Variants in ACOT11 observed in about 807,000 individuals in gnomAD.
ACOT11 encodes acyl-CoA thioesterase 11.
In ACOT11, 69 loss-of-function variants were observed where a neutral mutation model predicts 77.5. The ratio of observed to expected loss-of-function variants is 0.89; its 90% confidence interval spans 0.73 to 1.09. The LOEUF (loss-of-function observed/expected upper bound fraction) is 1.09. ACOT11 is among the 50% of genes least tolerant of loss of function. The pLI, the probability that ACOT11 is intolerant of heterozygous loss-of-function variation, is 0.00. For synonymous variants in ACOT11, 279 were observed against 313.0 expected (o/e 0.89, Z 1.15); for missense variants, 766 against 813.7 (o/e 0.94, Z 0.71).
At chr1:54,561,548 C>T (rs1242406890) in intron 1 of ACOT11, among the ~76,000 whole-genome samples, 1 of 121,060 alleles carries the variant, frequency 8.3e-6, no homozygotes, top group African/African-American at 3.5e-5. Context: ...ATCTTTTCCC[C>T]ACCTTTCCCG....
At chr1:54,575,252 T>A (rs572041088) in intron 1 of ACOT11, among the ~76,000 whole-genome samples, 174 of 152,252 alleles carry the variant, frequency 1.1e-3, no homozygotes, top group Middle Eastern at 0.01. Flanking sequence ...CCTCACATAT[T>A]TGCTTATGGG....
chr1:54,560,595 C>T (rs908247111), intron 1 of ACOT11, among the ~76,000 whole-genome samples: 2 of 152,198 alleles, frequency 1.3e-5, no homozygotes, highest in South Asian at 4.1e-4. Context: ...GTGGTGCGAT[C>T]ATAGCTCACT....
chr1:54,608,338 G>A (rs539679559), intron 15 of ACOT11, among the ~76,000 whole-genome samples: 124 of 152,200 alleles, frequency 8.1e-4, no homozygotes, highest in African/African-American at 2.7e-3. Flanking sequence ...CATCTCACTC[G>A]TCATTCACTT....
downstream of ACOT11, chr1:54,611,549 A>C: frequency 6.4e-7 from 1 of 1,573,586 alleles, no homozygotes; most frequent in Non-Finnish European, 8.7e-7. Context: ...AGTGCCCACC[A>C]GGTGCTGCTC....
At chr1:54,638,820 TTTTA>T (rs1243648796) in exon 17 of ACOT11, 1 of 152,208 alleles carries the variant, frequency 6.6e-6, no homozygotes, top group Admixed American at 6.6e-5. Flanking sequence ...TCAGCCCATT[TTTTA>T]TTTGTTTCTT....
intron 3 of ACOT11, among the ~76,000 whole-genome samples, chr1:54,588,074 T>C (rs1319359183): frequency 1.3e-5 from 2 of 151,876 alleles, no homozygotes; most frequent in Non-Finnish European, 2.9e-5. Context: ...CATGGTGATA[T>C]ACGCCTGTGG....
At chr1:54,610,817 G>A (rs557569666), downstream of ACOT11, 135 of 985,402 alleles carry the variant, frequency 1.4e-4, no homozygotes, top group African/African-American at 2.2e-3. Context: ...CTTCCCGCTC[G>A]CTTAGGTGGC....
chr1:54,603,903 T>C lies in ACOT11; in HGVS notation c.1118T>C (p.Val373Ala), dbSNP rs1373390219. 1 of 1,613,896 alleles carries C rather than the reference T, an allele frequency of 6.2e-7. No homozygotes were observed. Among genetic ancestry groups the C allele is most frequent in the Non-Finnish European group, 8.5e-7 (1 of 1,180,000 alleles). ...KYIVSCKQTE[V>A]PLSVPWDPSN... ...ATCGTGTCCTGTAAGCAGACAGAGG[T>C]GCCCCTCTCCGTCCCCTGGGACCCT... Residue 373 changes from valine to alanine, a missense_variant, in exon 11 of 16, where the codon GTG becomes GCG. Transcript: ENST00000343744.
At chr1:54,558,520 G>A (rs1419816386) in intron 1 of ACOT11, among the ~76,000 whole-genome samples, 1 of 152,174 alleles carries the variant, frequency 6.6e-6, no homozygotes, top group African/African-American at 2.4e-5. Flanking sequence ...GGGGGTCAGG[G>A]GAGAGCTCTC....
chr1:54,620,883 G>A lies in ACOT11; in HGVS notation c.1630-9851G>A, dbSNP rs1247815707. On this transcript the variant is annotated intron_variant, in intron 15 of 16. Coordinates refer to the ACOT11 transcript ENST00000371316. ...AAAAAAAAAAAAAAAAAAAAGGCTGGGTTTGGTGGCTCACACCTGTAATCC... is the reference window on the plus strand; with the variant it reads ...AAAAAAAAAAAAAAAAAAAAGGCTGAGTTTGGTGGCTCACACCTGTAATCC... Among the ~76,000 whole-genome samples, 6 of 115,754 alleles carry A rather than the reference G, an allele frequency of 5.2e-5. No individual in the cohort carries two copies. The East Asian group carries it at 1.3e-3, about 26-fold the overall frequency. The allele number at this position is 115,754 out of a possible 152,430, so 75.9% of individuals were successfully genotyped here.
intron 1 of ACOT11, among the ~76,000 whole-genome samples, chr1:54,557,173 C>T (rs1653286198): frequency 6.6e-6 from 1 of 151,944 alleles, no homozygotes; most frequent in South Asian, 2.1e-4. Flanking sequence ...GCAGGCAGAT[C>T]ACAAGGTCAG....
intron 15 of ACOT11, among the ~76,000 whole-genome samples, chr1:54,620,815 C>T (rs12049576): frequency 2.1e-4 from 26 of 125,158 alleles, no homozygotes; most frequent in Admixed American, 1.7e-3. Flanking sequence ...CACCACTGTA[C>T]TCAGCCTGGA....
chr1:54,625,696 G>C (rs555756293), intron 15 of ACOT11, among the ~76,000 whole-genome samples: 2 of 152,270 alleles, frequency 1.3e-5, no homozygotes, highest in African/African-American at 4.8e-5. Context: ...CCAGCACTTT[G>C]GGAGGCTGAG....
intron 6 of ACOT11, 26 bp from the exon 7 acceptor site, chr1:54,597,221 ACCTCCCTGCTTC>A: frequency 6.2e-7 from 1 of 1,604,568 alleles, no homozygotes; most frequent in South Asian, 1.1e-5. Flanking sequence ...GAATGTTCTC[ACCTCCCTGCTTC>A]CCTCCCTTAT....
At chr1:54,603,322 C>A (rs12037896) in intron 10 of ACOT11, among the ~76,000 whole-genome samples, 1 of 152,166 alleles carries the variant, frequency 6.6e-6, no homozygotes, top group Admixed American at 6.5e-5. Context: ...GCACTCCAGC[C>A]TGGGCAACAG....
In ACOT11 at chr1:54,602,731, AG is replaced by A. The variant is rs1481462874; in HGVS notation, c.1085+11del. On this transcript the variant is annotated splice_region_variant and intron_variant, in intron 10 of 15. Coordinates refer to ENST00000343744, the MANE Select transcript of ACOT11 (RefSeq NM_147161.4). ...AGAAGATCCGCCTGGACAGGTGAGT[AG>A]GGGCTGAGTGGTGGGCAGAATGTGG... 1 of 1,539,334 alleles carries A rather than the reference AG, an allele frequency of 6.5e-7. No individual in the cohort carries two copies. Among genetic ancestry groups the A allele is most frequent in the East Asian group, 2.5e-5 (1 of 40,428 alleles).
chr1:54,623,303 G>A (rs1446835050), intron 15 of ACOT11: 9 of 1,614,050 alleles, frequency 5.6e-6, no homozygotes, highest in Non-Finnish European at 8.5e-7. Flanking sequence ...TGATGGCAAG[G>A]ACTATTGCGG....
At position 54,602,710 on chromosome 1, in the gene ACOT11, G is replaced by A; in HGVS notation, c.1071G>A (p.Lys357=). The part of the protein sequence containing the change: ...RRYREASARK[K]IRLDRKYIVS... The stretch of plus-strand genomic sequence containing the variant: ...ACCGAGAGGCCAGTGCCAGAAAGAA[G>A]ATCCGCCTGGACAGGTGAGTAGGGG... The change falls in exon 10 of 16, where the codon AAG becomes AAA. Residue 357 remains lysine (K), a synonymous_variant. Coordinates refer to ENST00000343744, the MANE Select transcript of ACOT11 (RefSeq NM_147161.4). 1 of 1,554,878 alleles carries A rather than the reference G, an allele frequency of 6.4e-7. No homozygotes were observed.
chr1:54,597,167 T>A, intron 6 of ACOT11, 92 bp from the exon 7 acceptor site: 1 of 1,504,984 alleles, frequency 6.6e-7, no homozygotes, highest in Non-Finnish European at 9.1e-7. Context: ...TGGGGTAGAG[T>A]GGTGGGGGTC....
Sources: gnomAD v4.1 joint callset for allele counts (sites outside exome capture counted in the v4.1 genomes callset) on GRCh38, gnomAD v4.1.1 for gene constraint, MANE v1.5 for transcripts, NCBI Gene and HGNC (gene_info 2026-07-23, HGNC 2026-07-21) for gene names.